IQCJ: variants seen among roughly 807,000 people sequenced by gnomAD.
IQCJ encodes the protein IQ motif containing J.
In IQCJ, 9 loss-of-function variants were observed where a neutral mutation model predicts 11.0. That is an observed-to-expected ratio of 0.82 (90% CI 0.49 to 1.43). The LOEUF (loss-of-function observed/expected upper bound fraction) is 1.43. Ranked by LOEUF, IQCJ falls within the 40% of genes most tolerant of loss-of-function variation. IQCJ has a pLI of 0.00. For synonymous variants in IQCJ, 55 were observed against 51.3 expected (o/e 1.07, Z -0.31); for missense variants, 146 against 133.2 (o/e 1.10, Z -0.47).
chr3:159,159,528 A>G (rs1288419764), intron 1 of IQCJ, among the ~76,000 whole-genome samples: 5 of 152,240 alleles, frequency 3.3e-5, no homozygotes, highest in Non-Finnish European at 7.3e-5. Context: ...CAGGTACTAC[A>G]TAATCATAGT....
chr3:159,161,440 A>G (rs1360267332), intron 1 of IQCJ, among the ~76,000 whole-genome samples: 1 of 152,202 alleles, frequency 6.6e-6, no homozygotes, highest in East Asian at 1.9e-4. Flanking sequence ...GCCCTTTGTC[A>G]GATGAGTAGG....
chr3:159,166,440 G>C (rs1401663052), intron 1 of IQCJ, among the ~76,000 whole-genome samples: 1 of 152,110 alleles, frequency 6.6e-6, no homozygotes, highest in Non-Finnish European at 1.5e-5. Context: ...CTTATAATCT[G>C]TCTTTGATGT....
At chr3:159,222,121 A>G (rs561947449) in intron 1 of IQCJ, among the ~76,000 whole-genome samples, 2 of 152,266 alleles carry the variant, frequency 1.3e-5, no homozygotes, top group East Asian at 1.9e-4. Flanking sequence ...TAGAACTCCT[A>G]TATGATCCTG....
At chr3:159,168,967 CATGATGATGATG>C (rs71144474) in intron 1 of IQCJ, among the ~76,000 whole-genome samples, 7 of 149,016 alleles carry the variant, frequency 4.7e-5, no homozygotes, top group South Asian at 2.2e-4. Context: ...ACGATGAAGA[CATGATGATGATG>C]ATGATGATGA....
intron 1 of IQCJ, among the ~76,000 whole-genome samples, chr3:159,238,983 T>C (rs1022469033): frequency 6.6e-6 from 1 of 152,174 alleles, no homozygotes; most frequent in Non-Finnish European, 1.5e-5. Context: ...AAGAAAATGA[T>C]ATTGCCAGAT....
intron 1 of IQCJ, among the ~76,000 whole-genome samples, chr3:159,126,491 G>A (rs937491690): frequency 6.6e-6 from 1 of 152,148 alleles, no homozygotes; most frequent in African/African-American, 2.4e-5. Flanking sequence ...ACATGACCGT[G>A]TCCCCACAAG....
intron 1 of IQCJ, among the ~76,000 whole-genome samples, chr3:159,215,991 A>G (rs1196748144): frequency 2.6e-5 from 4 of 151,040 alleles, no homozygotes; most frequent in African/African-American, 9.7e-5. Flanking sequence ...GTGCATATGG[A>G]ATAAATTTAT....
intron 1 of IQCJ, among the ~76,000 whole-genome samples, chr3:159,074,793 C>T (rs572536298): frequency 2.6e-5 from 4 of 152,134 alleles, no homozygotes; most frequent in East Asian, 3.9e-4. Context: ...GTTTGAGTAA[C>T]GAATTATTAT....
At chr3:159,258,401 G>A (rs1258415822) in intron 3 of IQCJ, among the ~76,000 whole-genome samples, 2 of 152,198 alleles carry the variant, frequency 1.3e-5, no homozygotes, top group Non-Finnish European at 2.9e-5. Flanking sequence ...TGATAGGGTA[G>A]GATCTGTTTC....
chr3:159,089,198 T>A (rs1405491841), intron 1 of IQCJ, among the ~76,000 whole-genome samples: 1 of 152,200 alleles, frequency 6.6e-6, no homozygotes, highest in East Asian at 1.9e-4. Context: ...TGGCTGGATA[T>A]GAAGTTCTGG....
chr3:159,229,715 T>C (rs112124817), intron 1 of IQCJ, among the ~76,000 whole-genome samples: 34 of 48 alleles, frequency 0.71, 15 homozygotes, highest in African/African-American at 0.83. Flanking sequence ...CTCCTCCTCC[T>C]CCCCCTCCTC....
At chr3:159,138,259 C>CA (rs1483188506) in intron 1 of IQCJ, among the ~76,000 whole-genome samples, 1 of 152,174 alleles carries the variant, frequency 6.6e-6, no homozygotes, top group Non-Finnish European at 1.5e-5. Context: ...CACTGGCAGT[C>CA]AGAGTCCGTT....
chr3:159,075,261 C>T (rs756812949), intron 1 of IQCJ, among the ~76,000 whole-genome samples: 3 of 152,128 alleles, frequency 2.0e-5, no homozygotes, highest in African/African-American at 4.8e-5. Flanking sequence ...TTTGCATATT[C>T]TTCCAGGCTG....
intron 1 of IQCJ, among the ~76,000 whole-genome samples, chr3:159,087,898 T>C (rs1360106556): frequency 6.7e-6 from 1 of 148,654 alleles, no homozygotes; most frequent in Non-Finnish European, 1.5e-5. Flanking sequence ...TTTTGAAGGG[T>C]TTTTTGTGTC....
chr3:159,170,737 C>T (rs1468816493), intron 1 of IQCJ, among the ~76,000 whole-genome samples: 1 of 151,840 alleles, frequency 6.6e-6, no homozygotes, highest in African/African-American at 2.4e-5. Flanking sequence ...GTCTTTGCCA[C>T]GGGCAACAAA....
At chr3:159,153,622 G>A (rs1462685870) in intron 1 of IQCJ, among the ~76,000 whole-genome samples, 2 of 152,190 alleles carry the variant, frequency 1.3e-5, no homozygotes, top group Non-Finnish European at 2.9e-5. Flanking sequence ...AACTAATGAA[G>A]AATAAATGTG....
chr3:159,094,957 C>T (rs1167773747), intron 1 of IQCJ, among the ~76,000 whole-genome samples: 3 of 151,974 alleles, frequency 2.0e-5, no homozygotes, highest in South Asian at 4.1e-4. Context: ...CTCATGAGAA[C>T]ATTCACCTCT....
At chr3:159,178,464 G>A (rs1577062854) in intron 1 of IQCJ, among the ~76,000 whole-genome samples, 1 of 152,164 alleles carries the variant, frequency 6.6e-6, no homozygotes, top group East Asian at 1.9e-4. Flanking sequence ...GGAATACAGT[G>A]GGAGTCCTGG....
chr3:159,189,024 T>C (rs1036606880), intron 1 of IQCJ, among the ~76,000 whole-genome samples: 3 of 152,086 alleles, frequency 2.0e-5, no homozygotes, highest in Non-Finnish European at 4.4e-5. Context: ...AATATTGTAT[T>C]TAGCCTTTGG....
Sources: allele counts gnomAD v4.1 joint callset (sites outside exome capture counted in the v4.1 genomes callset), GRCh38; gene constraint gnomAD v4.1.1; transcripts MANE v1.5; gene names NCBI Gene and HGNC (gene_info 2026-07-23, HGNC 2026-07-21).